Variants in FAM228B observed in about 807,000 individuals in gnomAD.
FAM228B encodes the protein protein FAM228B.
Under a neutral mutation model 42.6 loss-of-function variants are expected in FAM228B, and 38 were observed. The observed-to-expected ratio is 0.89, with a 90% CI of 0.69 to 1.17. FAM228B has a LOEUF of 1.17. Among genes scored for constraint, FAM228B ranks in the 50% most tolerant of loss-of-function variants. FAM228B has a pLI of 0.00. For missense variants in FAM228B, 344 were observed against 367.3 expected (o/e 0.94, Z 0.52); for synonymous variants, 109 against 122.3 (o/e 0.89, Z 0.72).
At chr2:24,132,749 G>A (rs977377991) in intron 2 of FAM228B, among the ~76,000 whole-genome samples, 6 of 151,990 alleles carry the variant, frequency 3.9e-5, no homozygotes, top group African/African-American at 1.4e-4. Flanking sequence ...ATGATACATT[G>A]TGGAGGGTCT....
chr2:24,161,164 C>T (rs1040376272), intron 7 of FAM228B, among the ~76,000 whole-genome samples: 6 of 152,166 alleles, frequency 3.9e-5, no homozygotes, highest in South Asian at 4.2e-4. Context: ...ATTCTCATAC[C>T]GCCAGGCGTG....
At chr2:24,105,613 G>A (rs962992249) in intron 3 of FAM228B, among the ~76,000 whole-genome samples, 2 of 152,150 alleles carry the variant, frequency 1.3e-5, no homozygotes, top group Admixed American at 1.3e-4. Flanking sequence ...TAACTGGGCT[G>A]GAATGACTGA....
chr2:24,109,925 A>G (rs753623172), intron 3 of FAM228B, among the ~76,000 whole-genome samples: 6 of 152,248 alleles, frequency 3.9e-5, no homozygotes, highest in Non-Finnish European at 8.8e-5. Flanking sequence ...CAGCAATCCC[A>G]TTACTGGGTA....
In FAM228B at chr2:24,080,653, C is replaced by T; in HGVS notation, c.-289-223C>T. On this transcript the variant is annotated intron_variant, in intron 1 of 10. Coordinates refer to the FAM228B transcript ENST00000613899. This position sits in a 1 kb window ranked among gnomAD's most constrained non-coding sequence, Gnocchi z 4.7. ...ACCATCTTAGATTTAAATATGACTG[C>T]CTGTCTCCAGTGGTCAAATACCATA... 1.4e-6 allele frequency: 1 copy of T among 730,248 alleles called. No individual in the cohort carries two copies. Among genetic ancestry groups the T allele is most frequent in the Admixed American group, 2.3e-5 (1 of 43,056 alleles). The allele number at this position is 730,248 out of a possible 1,614,324, so 45.2% of individuals were successfully genotyped here.
At chr2:24,122,657 C>G, upstream of FAM228B, 5 of 698,354 alleles carry the variant, frequency 7.2e-6, no homozygotes, top group South Asian at 9.2e-5. Flanking sequence ...AGCAAGTGTA[C>G]TTTGAAAAGG....
intron 2 of FAM228B, among the ~76,000 whole-genome samples, chr2:24,092,218 C>CAAAAAAAAA (rs34189159): frequency 6.7e-5 from 2 of 29,990 alleles, no homozygotes; most frequent in Admixed American, 4.0e-4. Context: ...GACTCTGTCT[C>CAAAAAAAAA]AAAAAAAAAA....
At chr2:24,114,625 CT>C (rs1189176197) in intron 3 of FAM228B, among the ~76,000 whole-genome samples, 3 of 152,024 alleles carry the variant, frequency 2.0e-5, no homozygotes, top group Non-Finnish European at 4.4e-5. Flanking sequence ...CCTAGGCTGT[CT>C]TTTTTTAAGT....
intron 3 of FAM228B, among the ~76,000 whole-genome samples, chr2:24,097,784 T>A (rs1347387463): frequency 4.6e-5 from 7 of 152,210 alleles, no homozygotes; most frequent in African/African-American, 1.7e-4. Context: ...CAAGCAGACC[T>A]AATAGACATC....
chr2:24,149,783 T>C (rs911353979), intron 7 of FAM228B, among the ~76,000 whole-genome samples: 2 of 152,202 alleles, frequency 1.3e-5, no homozygotes, highest in Non-Finnish European at 2.9e-5. Flanking sequence ...TCTAATGCCA[T>C]AGTATTGGTT....
chr2:24,164,287 A>G lies in FAM228B; in HGVS notation c.884A>G (p.Tyr295Cys). 8.4e-6 allele frequency: 13 copies of G among 1,551,188 alleles called. No homozygotes were observed. The highest frequency in any genetic ancestry group is 1.0e-5 in the Non-Finnish European group (12 of 1,146,718). ...GCCAAAGAGGCCATCTCTGAAGGGT[A>G]TTTTTCTTCCTTGAGCCTCAGCCAG... ...PSAKEAISEG[Y>C]FSSLSLSQER... Residue 295 changes from tyrosine to cysteine, a missense_variant, in exon 9 of 11, where the codon TAT (tyrosine) becomes TGT (cysteine). Coordinates refer to ENST00000615575, the MANE Select transcript of FAM228B (RefSeq NM_001145710.2).
At chr2:24,144,646 G>A (rs1666850512) in intron 5 of FAM228B, among the ~76,000 whole-genome samples, 1 of 152,172 alleles carries the variant, frequency 6.6e-6, no homozygotes. Context: ...AGATGGAGAG[G>A]GCCGAGGTGT....
chr2:24,083,250 A>C, intron 2 of FAM228B: 2 of 1,450,976 alleles, frequency 1.4e-6, no homozygotes, highest in Non-Finnish European at 1.8e-6. Flanking sequence ...TTTTTTTTCA[A>C]AAATAAATTT....
At chr2:24,083,078 C>G in intron 2 of FAM228B, 2 of 1,614,178 alleles carry the variant, frequency 1.2e-6, no homozygotes, top group African/African-American at 1.3e-5. Context: ...CAGGCCCCAG[C>G]TCTGCCACAT....
At chr2:24,166,069 A>ATATATATATATATATATG (rs1367498989) in intron 9 of FAM228B, 13 of 145,052 alleles carry the variant, frequency 9.0e-5, no homozygotes, top group African/African-American at 2.3e-4. Context: ...ATATATATAT[A>ATATATATATATATATATG]TATGTATGTA....
At chr2:24,139,314 T>C in intron 4 of FAM228B, 56 bp from the exon 5 acceptor site, 1 of 1,084,924 alleles carries the variant, frequency 9.2e-7, no homozygotes, top group Non-Finnish European at 1.3e-6. Context: ...CCTGATATGC[T>C]CAAAATTAAC....
intron 7 of FAM228B, among the ~76,000 whole-genome samples, chr2:24,149,075 T>C (rs1356619107): frequency 6.6e-6 from 1 of 152,258 alleles, no homozygotes; most frequent in Non-Finnish European, 1.5e-5. Flanking sequence ...TTTTTATGGC[T>C]GAATATTACT....
chr2:24,097,872 C>T (rs552916432), intron 3 of FAM228B, among the ~76,000 whole-genome samples: 1 of 152,242 alleles, frequency 6.6e-6, no homozygotes, highest in East Asian at 1.9e-4. Flanking sequence ...AAATTGACCA[C>T]ATAATTGGAA....
chr2:24,091,149 A>G (rs552531896), intron 2 of FAM228B, among the ~76,000 whole-genome samples: 1 of 152,384 alleles, frequency 6.6e-6, no homozygotes, highest in East Asian at 1.9e-4. Flanking sequence ...AGACTTAGAA[A>G]ACGCAAGAGA....
rs1558391035 is a variant in FAM228B at position 24,149,470 on chromosome 2, T to C, written c.686+2384T>C. Among the ~76,000 whole-genome samples, 2 of 152,328 alleles carry C rather than the reference T, an allele frequency of 1.3e-5. 1 individual carries two copies. Among genetic ancestry groups the C allele is most frequent in the South Asian group, 4.1e-4 (2 of 4,822 alleles). ...GTAGTTTTTTTTTCTTCTTCTTTTT[T>C]TGAGACAGAGTCTTGCTTTATCGCC... On this transcript the variant is annotated intron_variant, in intron 7 of 10. Transcript: ENST00000615575.
Sources: gnomAD v4.1 joint callset for allele counts (sites outside exome capture counted in the v4.1 genomes callset) on GRCh38, gnomAD v4.1.1 for gene constraint, Gnocchi (gnomAD v3.1) non-coding constraint, MANE v1.5 for transcripts, NCBI Gene and HGNC (gene_info 2026-07-23, HGNC 2026-07-21) for gene names.